The following CPZ variants were observed in gnomAD, a reference collection of about 807,000 sequenced individuals.
The protein encoded by CPZ is VEZT/CPZ fusion.
In CPZ, 103 loss-of-function variants were observed where a neutral mutation model predicts 61.8. That is an observed-to-expected ratio of 1.67 (90% CI 1.42 to 1.96). The LOEUF (loss-of-function observed/expected upper bound fraction) is 1.96, where lower values mean the gene tolerates loss of function less well. Among genes scored for constraint, CPZ ranks in the 30% most tolerant of loss-of-function variants. The pLI, the probability that CPZ is intolerant of heterozygous loss-of-function variation, is 0.00. For missense variants in CPZ, 1,461 were observed against 914.9 expected (o/e 1.60, Z -7.70); for synonymous variants, 551 against 373.7 (o/e 1.47, Z -5.47).
chr4:8,596,244 G>T (rs1221140589), intron 1 of CPZ, among the ~76,000 whole-genome samples: 1 of 152,188 alleles, frequency 6.6e-6, no homozygotes, highest in African/African-American at 2.4e-5. Flanking sequence ...TAGAGACGGG[G>T]TTTCACCATG....
At chr4:8,611,987 A>C (rs551456489) in intron 7 of CPZ, 40 bp from the exon 8 acceptor site, 6 of 1,613,076 alleles carry the variant, frequency 3.7e-6, no homozygotes, top group Non-Finnish European at 5.1e-6. Flanking sequence ...GACGTCCTGC[A>C]GGGGACCCTT....
At chr4:8,612,185 CTGGGCGGGGGG>C in intron 8 of CPZ, 23 bp downstream of exon 8, 1 of 249,206 alleles carries the variant, frequency 4.0e-6, no homozygotes, top group Non-Finnish European at 5.4e-6. Context: ...CAGGGCGGGA[CTGGGCGGGGGG>C]TGGGGGGTGC....
At chr4:8,593,471 G>C (rs1713950358) in intron 1 of CPZ, among the ~76,000 whole-genome samples, 1 of 152,206 alleles carries the variant, frequency 6.6e-6, no homozygotes, top group South Asian at 2.1e-4. Context: ...GATCCTCTGG[G>C]AGGTCTGCCC....
chr4:8,612,274 C>T lies in CPZ; in HGVS notation c.1363+112C>T, dbSNP rs578160904. 6.6e-5 allele frequency: 63 copies of T among 949,654 alleles called. 1 individual carries two copies. The highest frequency in any genetic ancestry group is 3.6e-5 in the South Asian group (2 of 55,096). The allele number at this position is 949,654 out of a possible 1,614,324, so 58.8% of individuals were successfully genotyped here. Reference sequence around the variant, plus strand: ...GCTGCTGGGATCCAGCTGGAGAGCCCGGAAGACAGGGCGATGCCTCACCTG... The same window carrying T: ...GCTGCTGGGATCCAGCTGGAGAGCCTGGAAGACAGGGCGATGCCTCACCTG... On this transcript the variant is annotated intron_variant, in intron 8 of 10. Transcript: ENST00000360986.
intron 3 of CPZ, 54 bp from the exon 4 acceptor site, chr4:8,603,922 T>C (rs1714753399): frequency 6.6e-7 from 1 of 1,504,300 alleles, no homozygotes; most frequent in African/African-American, 1.4e-5. Flanking sequence ...TCCCAGGCAG[T>C]GGTAGGAAGC....
intron 9 of CPZ, among the ~76,000 whole-genome samples, chr4:8,617,912 C>G (rs1232971982): frequency 6.6e-6 from 1 of 152,010 alleles, no homozygotes; most frequent in Non-Finnish European, 1.5e-5. Context: ...GTGTTCAGGA[C>G]CAGTTCGTGC....
At chr4:8,599,534 C>A (rs1714419572) in intron 2 of CPZ, 49 bp downstream of exon 2, 1 of 1,608,242 alleles carries the variant, frequency 6.2e-7, no homozygotes, top group Non-Finnish European at 8.5e-7. Flanking sequence ...AGGGCTGCAG[C>A]CCCCACACTG....
intron 7 of CPZ, chr4:8,611,048 G>A (rs138647056): frequency 3.5e-5 from 13 of 367,550 alleles, no homozygotes; most frequent in Non-Finnish European, 5.7e-5. Flanking sequence ...ACTTGCTCAC[G>A]CATTCGCTCA....
intron 7 of CPZ, among the ~76,000 whole-genome samples, chr4:8,608,045 G>A (rs1013356736): frequency 6.6e-6 from 1 of 151,958 alleles, no homozygotes; most frequent in Non-Finnish European, 1.5e-5. Flanking sequence ...ACGACCTGCT[G>A]GGGGAGGGCG....
At chr4:8,615,202 G>C (rs1560303265) in intron 9 of CPZ, among the ~76,000 whole-genome samples, 1 of 152,086 alleles carries the variant, frequency 6.6e-6, no homozygotes, top group African/African-American at 2.4e-5. Context: ...CAGGCAGGTG[G>C]GAGGTGAGTG....
At position 8,601,120 on chromosome 4, in the gene CPZ, C is replaced by T; in HGVS notation, c.122-3C>T. 1.3e-6 allele frequency: 2 copies of T among 1,562,624 alleles called. No individual in the cohort carries two copies. Among genetic ancestry groups the T allele is most frequent in the Non-Finnish European group, 1.7e-6 (2 of 1,148,376 alleles). On this transcript the variant is annotated splice_polypyrimidine_tract_variant and splice_region_variant and intron_variant, in intron 2 of 10. Coordinates refer to ENST00000360986, the MANE Select transcript of CPZ (RefSeq NM_001014447.3). ...GACTGACCTGCCGACCCTGCCTCCC[C>T]AGCCACCTGCGTGGACCTGCAGCTC...
rs112890723 is a variant in CPZ, at chr4:8,617,535, C to T, written c.1504-894C>T. On this transcript the variant is annotated intron_variant, in intron 9 of 10. Coordinates refer to ENST00000360986, the MANE Select transcript of CPZ (RefSeq NM_001014447.3). ...TGAATATATAGGAAAACAGTCTCTC[C>T]AACCTAAAATGTTTTGCTTTTATCC... 6.3e-3 allele frequency among the ~76,000 whole-genome samples: 963 copies of T among 152,304 alleles called. 12 individuals are homozygous for T. The highest frequency in any genetic ancestry group is 0.022 in the African/African-American group (925 of 41,554).
intron 9 of CPZ, 62 bp from the exon 10 acceptor site, chr4:8,618,367 C>G: frequency 6.6e-7 from 1 of 1,516,348 alleles, no homozygotes; most frequent in Non-Finnish European, 9.2e-7. Context: ...AACGAGCTGA[C>G]GGCCTCCACG....
chr4:8,599,676 GA>G, intron 2 of CPZ, 191 bp downstream of exon 2: 3 of 1,417,504 alleles, frequency 2.1e-6, no homozygotes, highest in Admixed American at 2.6e-5. Flanking sequence ...GACCAGCTAG[GA>G]AAAGGTGCAC....
In CPZ at chr4:8,606,863, C is replaced by T; in HGVS notation, c.1033C>T (p.His345Tyr). 1.9e-6 allele frequency: 3 copies of T among 1,613,118 alleles called. No homozygotes were observed. The highest frequency in any genetic ancestry group is 2.5e-6 in the Non-Finnish European group (3 of 1,179,758). Residue 345 changes from histidine (H) to tyrosine (Y), a missense_variant, in exon 6 of 11, where the codon CAC (histidine) becomes TAC (tyrosine). By Grantham distance (83) the His-to-Tyr change is moderately conservative. Transcript: ENST00000360986. The stretch of plus-strand genomic sequence containing the variant: ...GGAGACCCGCGGCGCACGCAGCGAC[C>T]ACATCCCCATCCCCCAGCACTACTG... ...LAETRGARSDHIPIPQHYWWG... is the reference protein window; with the variant it reads ...LAETRGARSDYIPIPQHYWWG...
At position 8,613,133 on chromosome 4, in the gene CPZ, CTTT is replaced by C. The variant is rs36005113; in HGVS notation, c.1363+986_1363+988del. 8.2e-4 allele frequency among the ~76,000 whole-genome samples: 111 copies of C among 134,686 alleles called. 3 individuals are homozygous for C. In the East Asian group the frequency reaches 0.019, roughly 23 times the overall value. 88.4% of individuals were successfully genotyped at this position (134,686 alleles called of 152,430 possible). A position where few individuals can be genotyped will look rare whatever the true frequency, so the allele number is the denominator to read the frequency against. On this transcript the variant is annotated intron_variant, in intron 8 of 10. Transcript: ENST00000360986. ...AGCTGGGAGAGGCCCCTCTCTGTTC[CTTT>C]TTTTTTTTTTTTTTGAGACGGAGTC...
chr4:8,598,152 A>G (rs1029398459), intron 1 of CPZ, among the ~76,000 whole-genome samples: 1 of 152,182 alleles, frequency 6.6e-6, no homozygotes, highest in Non-Finnish European at 1.5e-5. Context: ...GAGCTCTCCT[A>G]GGAGTGCCTG....
intron 10 of CPZ, 44 bp downstream of exon 10, chr4:8,618,572 G>A (rs773519227): frequency 1.3e-6 from 2 of 1,586,482 alleles, no homozygotes; most frequent in Admixed American, 1.7e-5. Flanking sequence ...CGTCTGCCAA[G>A]GAAATGCCAC....
At chr4:8,605,901 T>C in intron 4 of CPZ, 88 bp from the exon 5 acceptor site, 2 of 1,315,102 alleles carry the variant, frequency 1.5e-6, no homozygotes, top group Non-Finnish European at 2.1e-6. Flanking sequence ...CCAGCCCATC[T>C]GGTCATTCTT....
Sources: gnomAD v4.1 joint callset for allele counts (sites outside exome capture counted in the v4.1 genomes callset) on GRCh38, gnomAD v4.1.1 for gene constraint, MANE v1.5 for transcripts, NCBI Gene and HGNC (gene_info 2026-07-23, HGNC 2026-07-21) for gene names.